Variants in CNNM3 observed in about 807,000 individuals in gnomAD.
CNNM3 encodes the protein metal transporter CNNM3.
Under a neutral mutation model 57.1 loss-of-function variants are expected in CNNM3, and 47 were observed. The observed-to-expected ratio is 0.82, with a 90% CI of 0.65 to 1.05. The LOEUF (loss-of-function observed/expected upper bound fraction) is 1.05, where lower values mean the gene tolerates loss of function less well. Ranked by LOEUF, CNNM3 falls within the 50% of genes least tolerant of loss-of-function variation. CNNM3 has a pLI of 0.00. For missense variants in CNNM3, 957 were observed against 973.7 expected, an observed-to-expected ratio of 0.98 and a Z score of 0.23; for synonymous variants, 507 against 478.2, an observed-to-expected ratio of 1.06 and a Z score of -0.79.
Position 96,828,488 on chromosome 2 carries a change from T to C in CNNM3, c.1787-79T>C, listed in dbSNP as rs1443605426. On this transcript the variant is annotated intron_variant, in intron 5 of 7. Transcript: ENST00000305510. ...GATTGGTGGGGTGGGTCTTCGAAACTGTACAGTTGTCCCCACCAGGGGAGG... is the reference window on the plus strand; with the variant it reads ...GATTGGTGGGGTGGGTCTTCGAAACCGTACAGTTGTCCCCACCAGGGGAGG... The C allele has an allele frequency of 1.1e-5, 17 of 1,573,306 alleles. No individual in the cohort carries two copies. The East Asian group carries it at 3.4e-4, about 31-fold the overall frequency.
chr2:96,826,779 C>T (rs897833829), intron 2 of CNNM3, 54 bp from the exon 3 acceptor site: 157 of 1,604,572 alleles, frequency 9.8e-5, no homozygotes, highest in East Asian at 2.5e-4. Flanking sequence ...TTAGTGTGGT[C>T]GTGTTGACTG....
At chr2:96,832,410 G>A in intron 7 of CNNM3, 142 bp from the exon 8 acceptor site, 2 of 1,520,794 alleles carry the variant, frequency 1.3e-6, no homozygotes, top group African/African-American at 1.4e-5. Flanking sequence ...AGTCGCTCCT[G>A]TTTCTGCTCT....
chr2:96,831,971 T>G, intron 7 of CNNM3: 1 of 985,914 alleles, frequency 1.0e-6, no homozygotes, highest in Non-Finnish European at 1.2e-6. Flanking sequence ...CTCTTTAGCC[T>G]TCCCAGTAGA....
At position 96,817,005 on chromosome 2, in the gene CNNM3, T is replaced by G; in HGVS notation, c.728T>G (p.Val243Gly). Residue 243 changes from valine to glycine, a missense_variant, in exon 1 of 8, where the codon GTG (valine) becomes GGG (glycine). By Grantham distance (109) the Val-to-Gly change is moderately radical. Around this residue, in one of 2 missense-constraint regions of CNNM3, gnomAD observed 466 missense variants for 403.1 expected, o/e 1.16. Transcript: ENST00000305510. ...FLVGEVVPAA[V>G]SGRWTLALAP... ...GTGGGAGAGGTGGTGCCGGCCGCCGTGAGCGGGCGCTGGACGCTGGCGCTG... is the reference window on the plus strand; with the variant it reads ...GTGGGAGAGGTGGTGCCGGCCGCCGGGAGCGGGCGCTGGACGCTGGCGCTG... 2 of 1,371,412 alleles carry G rather than the reference T, an allele frequency of 1.5e-6. No homozygotes were observed. The highest frequency in any genetic ancestry group is 1.5e-5 in the African/African-American group (1 of 65,032). 85.0% of individuals were successfully genotyped at this position (1,371,412 alleles called of 1,614,324 possible).
chr2:96,823,127 C>T (rs971447027), intron 1 of CNNM3, among the ~76,000 whole-genome samples: 6 of 152,196 alleles, frequency 3.9e-5, no homozygotes, highest in South Asian at 2.1e-4. Flanking sequence ...TTCAGTCACA[C>T]GACCACTGTT....
intron 2 of CNNM3, 68 bp downstream of exon 2, chr2:96,825,269 C>T (rs2079481292): frequency 1.3e-6 from 2 of 1,572,894 alleles, no homozygotes; most frequent in Non-Finnish European, 1.7e-6. Context: ...TATGTTGCGT[C>T]AGAGGCCAGT....
rs1436797889 is a variant in CNNM3, at chr2:96,832,581, G to T, written c.2089G>T (p.Val697Leu). The T allele has an allele frequency of 6.2e-7, 1 of 1,614,148 alleles. No individual in the cohort carries two copies. The highest frequency in any genetic ancestry group is 8.5e-7 in the Non-Finnish European group (1 of 1,180,038). The change falls in exon 8 of 8, where the codon GTG (valine) becomes TTG (leucine). Residue 697 changes from valine (V) to leucine (L), a missense_variant. Transcript: ENST00000305510. ...CAGCCACAGCAGGCCCGGCGTCCCG[G>T]TGGAAGGCAGCCCTGGGCGGAACCC... ...GSSHSRPGVP[V>L]EGSPGRNPGV
At position 96,828,205 on chromosome 2, in the gene CNNM3, G is replaced by T; in HGVS notation, c.1786+10G>T. 6.2e-7 allele frequency: 1 copy of T among 1,609,900 alleles called. No homozygotes were observed. Among genetic ancestry groups the T allele is most frequent in the Non-Finnish European group, 8.5e-7 (1 of 1,176,458 alleles). ...ACTGTGCCATCCTCGGGTAAGCCAC[G>T]GCCCTGCTGATGCTGAGGGCCAGGG... is the stretch of plus-strand genomic sequence containing the variant. On this transcript the variant is annotated intron_variant, in intron 5 of 7. Coordinates refer to ENST00000305510, the MANE Select transcript of CNNM3 (RefSeq NM_017623.5).
intron 4 of CNNM3, 85 bp downstream of exon 4, chr2:96,827,985 G>A (rs937118901): frequency 3.1e-5 from 48 of 1,562,392 alleles, no homozygotes; most frequent in East Asian, 2.7e-4. Context: ...AGGGGCATGC[G>A]GATATGCACC....
chr2:96,827,792 T>C lies in CNNM3; in HGVS notation c.1581T>C (p.His527=). 6.2e-7 allele frequency: 1 copy of C among 1,614,164 alleles called. No individual in the cohort carries two copies. The highest frequency in any genetic ancestry group is 1.1e-5 in the South Asian group (1 of 91,084). The change falls in exon 4 of 8, where the codon CAT becomes CAC. Residue 527 remains histidine (H), a synonymous_variant. Transcript: ENST00000305510. ...SEKVLLHLLK[H]PSVNQEVRFD... ...AGGTCCTGCTGCACCTGTTGAAGCA[T>C]CCCAGTGTCAACCAGGAAGTGAGGT...
Position 96,829,070 on chromosome 2 carries a change from C to T in CNNM3, c.1995C>T (p.Thr665=), listed in dbSNP as rs376507747. Residue 665 remains threonine (T), a synonymous_variant, in exon 7 of 8, where the codon ACC becomes ACT. Coordinates refer to ENST00000305510, the MANE Select transcript of CNNM3 (RefSeq NM_017623.5). The part of the protein sequence containing the change: ...AQNLPQSPEN[T]DLQVIPGSQT... ...ACCTGCCACAGTCCCCTGAGAACACCGACCTGCAGGTTATTCCAGGCAGCC... is the reference window on the plus strand; with the variant it reads ...ACCTGCCACAGTCCCCTGAGAACACTGACCTGCAGGTTATTCCAGGCAGCC... The T allele has an allele frequency of 2.0e-5, 33 of 1,613,858 alleles. No individual in the cohort carries two copies. The highest frequency in any genetic ancestry group is 2.3e-5 in the Non-Finnish European group (27 of 1,180,022).
intron 5 of CNNM3, 151 bp downstream of exon 5, chr2:96,828,346 A>G (rs1346766112): frequency 2.4e-6 from 2 of 820,938 alleles, no homozygotes; most frequent in Non-Finnish European, 3.8e-6. Context: ...GGCTTCCAGG[A>G]GGGAGGGCAG....
intron 7 of CNNM3, 142 bp from the exon 8 acceptor site, chr2:96,832,410 G>C: frequency 6.6e-7 from 1 of 1,520,794 alleles, no homozygotes; most frequent in South Asian, 1.3e-5. Context: ...AGTCGCTCCT[G>C]TTTCTGCTCT....
At position 96,816,594 on chromosome 2, in the gene CNNM3, G is replaced by C; in HGVS notation, c.317G>C (p.Arg106Pro). The change falls in exon 1 of 8, where the codon CGG becomes CCG. Residue 106 changes from arginine (R) to proline (P), a missense_variant. Arg to Pro is a moderately radical substitution (Grantham distance 103). Around this residue, in one of 2 missense-constraint regions of CNNM3, gnomAD observed 466 missense variants for 403.1 expected, o/e 1.16. Coordinates refer to ENST00000305510, the MANE Select transcript of CNNM3 (RefSeq NM_017623.5). ...EWRALLRLRL[R>P]AEAVRPHSAL... ...CGCGCGCTGCTGCGCTTGCGCCTGC[G>C]GGCCGAGGCCGTGCGCCCGCACTCG... 1.7e-6 allele frequency: 2 copies of C among 1,209,952 alleles called. No individual in the cohort carries two copies. Among genetic ancestry groups the C allele is most frequent in the Non-Finnish European group, 2.1e-6 (2 of 974,238 alleles). The allele number at this position is 1,209,952 out of a possible 1,614,324, so 75.0% of individuals were successfully genotyped here. A position where few individuals can be genotyped will look rare whatever the true frequency, so the allele number is the denominator to read the frequency against.
rs571442459 is a variant in CNNM3, at chr2:96,833,644, G to C, written c.*1028G>C. 1 of 152,208 alleles carries C rather than the reference G, an allele frequency of 6.6e-6. No homozygotes were observed. 9.4% of individuals were successfully genotyped at this position (152,208 alleles called of 1,614,324 possible). A position where few individuals can be genotyped will look rare whatever the true frequency, so the allele number is the denominator to read the frequency against. ...GTTTTAGAGAAGTGGGAACAGGAAG[G>C]CATTTGTCTTTTTCTTCTAGTTTAC... On this transcript the variant is annotated 3_prime_UTR_variant, in exon 8 of 8. Coordinates refer to ENST00000305510, the MANE Select transcript of CNNM3 (RefSeq NM_017623.5).
Position 96,817,499 on chromosome 2 carries a change from C to G in CNNM3, c.1222C>G (p.Arg408Gly), listed in dbSNP as rs1476965978. 15 of 1,608,650 alleles carry G rather than the reference C, an allele frequency of 9.3e-6. No individual in the cohort carries two copies. Among genetic ancestry groups the G allele is most frequent in the Non-Finnish European group, 1.3e-5 (15 of 1,176,218 alleles). The change falls in exon 1 of 8, where the codon CGA becomes GGA. Residue 408 changes from arginine (R) to glycine (G), a missense_variant. Coordinates refer to ENST00000305510, the MANE Select transcript of CNNM3 (RefSeq NM_017623.5). ...KLDAVLEEFKRGKSHLAIVQK... is the reference protein window; with the variant it reads ...KLDAVLEEFKGGKSHLAIVQK... ...GGACGCTGTCCTGGAGGAATTCAAG[C>G]GAGGTAACGGCCCGGGCATGGTGCA... is the stretch of plus-strand genomic sequence containing the variant.
In CNNM3 at chr2:96,834,731, A is replaced by T. The variant is rs1027431072; in HGVS notation, c.*2115A>T. 5.3e-5 allele frequency among the ~76,000 whole-genome samples: 8 copies of T among 152,322 alleles called. 1 individual carries two copies. The highest frequency in any genetic ancestry group is 6.5e-5 in the Admixed American group (1 of 15,300). On this transcript the variant is annotated 3_prime_UTR_variant, in exon 8 of 8. Transcript: ENST00000305510. Reference sequence around the variant, plus strand: ...TAACCTTGGTACATTTATCAAAACTAAAGGTGCAATCATACTAATAGCTAG... The same window carrying T: ...TAACCTTGGTACATTTATCAAAACTTAAGGTGCAATCATACTAATAGCTAG...
At chr2:96,835,435 G>T (rs1471995427), downstream of CNNM3, among the ~76,000 whole-genome samples, 4 of 151,836 alleles carry the variant, frequency 2.6e-5, no homozygotes, top group African/African-American at 9.7e-5. Flanking sequence ...TTGGTCATAG[G>T]GTTGTTGCAT....
At chr2:96,828,332 C>T in intron 5 of CNNM3, 137 bp downstream of exon 5, 1 of 867,034 alleles carries the variant, frequency 1.2e-6, no homozygotes, top group South Asian at 1.7e-5. Flanking sequence ...TGGTGTAGCC[C>T]CTGGGCTTCC....
Sources: gnomAD v4.1 joint callset for allele counts (sites outside exome capture counted in the v4.1 genomes callset) on GRCh38, gnomAD v4.1.1 for gene constraint, gnomAD v4.1.1 regional missense constraint, MANE v1.5 for transcripts, NCBI Gene and HGNC (gene_info 2026-07-23, HGNC 2026-07-21) for gene names.